Variants in BRCA2 observed in about 807,000 individuals in gnomAD.
BRCA2 encodes BRCA2 DNA repair associated.
BRCA2 carries 203 observed loss-of-function variants against 276.7 expected under a neutral mutation model. That is an observed-to-expected ratio of 0.73 (90% CI 0.65 to 0.82). The LOEUF is 0.82. BRCA2 is among the 40% of genes least tolerant of loss of function. The pLI, the probability that BRCA2 is intolerant of heterozygous loss-of-function variation, is 0.00. For synonymous variants in BRCA2, 1,289 were observed against 1,338.4 expected (o/e 0.96, Z 0.81); for missense variants, 3,920 against 3,915.0 (o/e 1.00, Z -0.03).
intron 24 of BRCA2, among the ~76,000 whole-genome samples, chr13:32,394,253 C>G (rs918686116): frequency 8.5e-5 from 13 of 152,198 alleles, no homozygotes; most frequent in African/African-American, 2.9e-4. Flanking sequence ...AGTGAGTAAC[C>G]TTGTTCATAG....
chr13:32,322,300 T>C (rs910299303), intron 3 of BRCA2, among the ~76,000 whole-genome samples: 1 of 152,180 alleles, frequency 6.6e-6, no homozygotes, highest in African/African-American at 2.4e-5. Context: ...ACCAGCTCGA[T>C]TGTAGAGACC....
At chr13:32,365,330 C>T (rs149367552) in intron 18 of BRCA2, among the ~76,000 whole-genome samples, 7 of 151,456 alleles carry the variant, frequency 4.6e-5, no homozygotes, top group Non-Finnish European at 1.0e-4. Context: ...TTCAGTCATT[C>T]ATTATGTGCT....
At position 32,336,828 on chromosome 13, in the gene BRCA2, A is replaced by G. The variant is rs587781483; in HGVS notation, c.2473A>G (p.Asn825Asp). Residue 825 changes from asparagine (N) to aspartate (D), a missense_variant, in exon 11 of 27, where the codon AAT becomes GAT. By Grantham distance (23) the Asn-to-Asp change is conservative. This residue lies in a region of BRCA2 where 3,263 missense variants were observed against 3,156.9 expected (regional missense o/e 1.03). Transcript: ENST00000380152. ...AAAGAATCAAGATGTATGTGCTTTA[A>G]ATGAAAATTATAAAAACGTTGAGCT... The part of the protein sequence containing the change: ...MEKNQDVCAL[N>D]ENYKNVELLP... 24 of 1,603,004 alleles carry G rather than the reference A, an allele frequency of 1.5e-5. No homozygotes were observed. The highest frequency in any genetic ancestry group is 2.0e-5 in the Non-Finnish European group (24 of 1,177,168).
Position 32,338,916 on chromosome 13 carries a change from C to T in BRCA2, c.4561C>T (p.Leu1521=), listed in dbSNP as rs370723514. The change falls in exon 11 of 27, where the codon CTA becomes TTA. Residue 1521 remains leucine (L), a synonymous_variant. Coordinates refer to ENST00000380152, the MANE Select transcript of BRCA2 (RefSeq NM_000059.4). ...TGATGAAAAGATCAAAGAACCTACT[C>T]TATTGGGTTTTCATACAGCTAGCGG... The part of the protein sequence containing the change: ...ERDEKIKEPT[L]LGFHTASGKK... The T allele has an allele frequency of 5.6e-6, 9 of 1,613,834 alleles. No homozygotes were observed. The highest frequency in any genetic ancestry group is 2.7e-5 in the African/African-American group (2 of 74,890).
chr13:32,384,237 G>T (rs1034809008), intron 24 of BRCA2, among the ~76,000 whole-genome samples: 1 of 152,186 alleles, frequency 6.6e-6, no homozygotes, highest in Non-Finnish European at 1.5e-5. Flanking sequence ...GTCTGCAGGG[G>T]CAACTGTACA....
rs80358946 is a variant in BRCA2 at position 32,355,033 on chromosome 13, A to T, written c.7180A>T (p.Arg2394Ter). The T allele has an allele frequency of 6.2e-7, 1 of 1,613,912 alleles. No homozygotes were observed. Among genetic ancestry groups the T allele is most frequent in the Non-Finnish European group, 8.5e-7 (1 of 1,179,940 alleles). ...QVSATRNEKM[R>*]HLITTGRPTK... ...TTCTGCTACAAGAAATGAAAAAATG[A>T]GACACTTGATTACTACAGGCAGACC... Residue 2394 changes from arginine to a stop codon, truncating the protein, a stop_gained, in exon 14 of 27, where the codon AGA becomes TGA. Transcript: ENST00000380152. LOFTEE classifies it high-confidence loss of function.
At chr13:32,396,421 C>T (rs2137657663) in intron 25 of BRCA2, among the ~76,000 whole-genome samples, 1 of 152,314 alleles carries the variant, frequency 6.6e-6, no homozygotes, top group African/African-American at 2.4e-5. Context: ...TGTGATTTCT[C>T]AAGCAACAGT....
intron 13 of BRCA2, among the ~76,000 whole-genome samples, chr13:32,348,642 A>T (rs1213301232): frequency 1.3e-5 from 2 of 152,150 alleles, no homozygotes; most frequent in Non-Finnish European, 2.9e-5. Flanking sequence ...GTACTAAAAG[A>T]TCTCTTGTGC....
Position 32,319,180 on chromosome 13 carries a change from C to G in BRCA2, c.171C>G (p.Tyr57Ter), listed in dbSNP as rs201523522. The G allele has an allele frequency of 1.2e-6, 2 of 1,613,998 alleles. No individual in the cohort carries two copies. The highest frequency in any genetic ancestry group is 1.7e-6 in the Non-Finnish European group (2 of 1,179,936). Residue 57 changes from tyrosine (Y) to a stop codon, truncating the protein, a stop_gained, in exon 3 of 27, where the codon TAC becomes TAG. Transcript: ENST00000380152. LOFTEE classifies it high-confidence loss of function. ...AATCTGAACATAAAAACAACAATTACGAACCAAACCTATTTAAAACTCCAC... is the reference window on the plus strand; with the variant it reads ...AATCTGAACATAAAAACAACAATTAGGAACCAAACCTATTTAAAACTCCAC... ...AEESEHKNNN[Y>*]EPNLFKTPQR...
At position 32,398,935 on chromosome 13, in the gene BRCA2, C is replaced by T. The variant is rs2073060359; in HGVS notation, c.*165C>T. Reference sequence around the variant, plus strand: ...TGTATCGGGCAAAAATCGTTTTGCCCGATTCCGTATTGGTATACTTTTGCT... The same window carrying T: ...TGTATCGGGCAAAAATCGTTTTGCCTGATTCCGTATTGGTATACTTTTGCT... On this transcript the variant is annotated 3_prime_UTR_variant, in exon 27 of 27. Coordinates refer to ENST00000380152, the MANE Select transcript of BRCA2 (RefSeq NM_000059.4). 4.9e-6 allele frequency: 4 copies of T among 814,550 alleles called. No individual in the cohort carries two copies. The highest frequency in any genetic ancestry group is 2.8e-5 in the East Asian group (1 of 36,054). The allele number at this position is 814,550 out of a possible 1,614,324, so 50.5% of individuals were successfully genotyped here.
intron 25 of BRCA2, chr13:32,396,664 C>T: frequency 1.8e-6 from 1 of 542,512 alleles, no homozygotes; most frequent in South Asian, 2.0e-5. Flanking sequence ...CTCTTTCCTT[C>T]AGATACACAT....
At chr13:32,384,006 A>G (rs1242596606) in intron 24 of BRCA2, among the ~76,000 whole-genome samples, 1 of 152,258 alleles carries the variant, frequency 6.6e-6, no homozygotes, top group Non-Finnish European at 1.5e-5. Context: ...TCCAGGAAAC[A>G]TGACCATCGT....
At chr13:32,373,868 C>T (rs1206372032) in intron 20 of BRCA2, among the ~76,000 whole-genome samples, 1 of 152,252 alleles carries the variant, frequency 6.6e-6, no homozygotes, top group Non-Finnish European at 1.5e-5. Context: ...CCCTCCTGTA[C>T]TGCACTAACA....
In BRCA2 at chr13:32,340,478, C is replaced by G. The variant is rs1254782000; in HGVS notation, c.6123C>G (p.Ser2041=). The change falls in exon 11 of 27, where the codon TCC becomes TCG. Residue 2041 remains serine (S), a synonymous_variant. Coordinates refer to ENST00000380152, the MANE Select transcript of BRCA2 (RefSeq NM_000059.4). ...TAIRTPEHLI[S]QKGFSYNVVN... ...TACGTACTCCAGAACATTTAATATC[C>G]CAAAAAGGCTTTTCATATAATGTGG... The G allele has an allele frequency of 2.5e-6, 4 of 1,613,326 alleles. No homozygotes were observed. In the South Asian group the frequency reaches 3.3e-5, roughly 13 times the overall value.
At position 32,332,881 on chromosome 13, in the gene BRCA2, G is replaced by A. The variant is rs786202940; in HGVS notation, c.1403G>A (p.Arg468Lys). 3.1e-6 allele frequency: 5 copies of A among 1,611,232 alleles called. No homozygotes were observed. The highest frequency in any genetic ancestry group is 2.7e-5 in the African/African-American group (2 of 74,820). ...PLNEETVVNK[R>K]DEEQHLESHT... ...AATGAGGAAACAGTGGTAAATAAGA[G>A]AGATGAAGAGCAGCATCTTGAATCT... Residue 468 changes from arginine to lysine, a missense_variant, in exon 10 of 27, where the codon AGA becomes AAA. Transcript: ENST00000380152.
At chr13:32,388,100 A>G (rs890459822) in intron 24 of BRCA2, among the ~76,000 whole-genome samples, 2 of 145,230 alleles carry the variant, frequency 1.4e-5, no homozygotes, top group Non-Finnish European at 3.0e-5. Flanking sequence ...ATAGGGCTGG[A>G]CCCTACACAT....
intron 13 of BRCA2, among the ~76,000 whole-genome samples, chr13:32,350,762 AC>A (rs1227237288): frequency 3.9e-5 from 6 of 152,064 alleles, no homozygotes; most frequent in African/African-American, 1.2e-4. Flanking sequence ...CAAAAAAAAA[AC>A]AACAAAATAA....
chr13:32,332,754 A>G lies in BRCA2; in HGVS notation c.1276A>G (p.Lys426Glu), dbSNP rs2072408251. The part of the protein sequence containing the change: ...ISSCDQNISE[K>E]DLLDTENKRK... The stretch of plus-strand genomic sequence containing the variant: ...TTCATGTGACCAAAATATTTCAGAA[A>G]AAGACCTATTAGACACAGAGAACAA... The change falls in exon 10 of 27, where the codon AAA becomes GAA. Residue 426 changes from lysine (K) to glutamate (E), a missense_variant. Physicochemically the swap from Lys to Glu is moderately conservative, Grantham distance 56. Coordinates refer to ENST00000380152, the MANE Select transcript of BRCA2 (RefSeq NM_000059.4). The G allele has an allele frequency of 6.2e-7, 1 of 1,608,428 alleles. No homozygotes were observed. Among genetic ancestry groups the G allele is most frequent in the African/African-American group, 1.3e-5 (1 of 74,430 alleles).
chr13:32,372,045 C>T (rs1020797801), intron 20 of BRCA2, among the ~76,000 whole-genome samples: 1 of 152,158 alleles, frequency 6.6e-6, no homozygotes, highest in Non-Finnish European at 1.5e-5. Flanking sequence ...GCAGTTGTGG[C>T]AATTTCTTAA....
Sources: gnomAD v4.1 joint callset for allele counts (sites outside exome capture counted in the v4.1 genomes callset) on GRCh38, gnomAD v4.1.1 for gene constraint, gnomAD v4.1.1 regional missense constraint, MANE v1.5 for transcripts, NCBI Gene and HGNC (gene_info 2026-07-23, HGNC 2026-07-21) for gene names.